GPR39: variants seen among roughly 807,000 people sequenced by gnomAD.
The protein encoded by GPR39 is G protein-coupled receptor 39.
A neutral mutation model predicts 18.4 loss-of-function variants in GPR39; 23 were observed. The ratio of observed to expected loss-of-function variants is 1.25; its 90% CI spans 0.90 to 1.77. GPR39 has a LOEUF of 1.77. GPR39 is among the 40% of genes most tolerant of loss of function. GPR39 has a pLI of 0.00. For synonymous variants in GPR39, 280 were observed against 257.9 expected (o/e 1.09, Z -0.82); for missense variants, 647 against 602.4 (o/e 1.07, Z -0.78).
intron 1 of GPR39, among the ~76,000 whole-genome samples, chr2:132,452,875 A>G (rs1164461941): frequency 1.3e-5 from 2 of 151,372 alleles, no homozygotes; most frequent in Non-Finnish European, 2.9e-5. Flanking sequence ...ATCCAGTTCT[A>G]TTCATTGATG....
At position 132,567,510 on chromosome 2, in the gene GPR39, T is replaced by A. The variant is rs78407129; in HGVS notation, c.857-77591T>A. Among the ~76,000 whole-genome samples, 1,469 of 152,300 alleles carry A rather than the reference T, an allele frequency of 9.6e-3. 24 individuals are homozygous for A. Among genetic ancestry groups the A allele is most frequent in the African/African-American group, 0.034 (1,398 of 41,568 alleles). On this transcript the variant is annotated intron_variant, in intron 1 of 1. Coordinates refer to ENST00000329321, the MANE Select transcript of GPR39 (RefSeq NM_001508.3). ...CTCTCTCTGTGCGATGCCCTGCACC[T>A]CCTCAGCACTCTGCAGGGTCCCCAC...
At chr2:132,591,698 A>C (rs1401632291) in intron 1 of GPR39, among the ~76,000 whole-genome samples, 1 of 152,242 alleles carries the variant, frequency 6.6e-6, no homozygotes, top group African/African-American at 2.4e-5. Context: ...AAAACGAGAA[A>C]CACATCTATT....
At position 132,516,135 on chromosome 2, in the gene GPR39, C is replaced by T. The variant is rs555838461; in HGVS notation, c.856+98237C>T. Among the ~76,000 whole-genome samples the T allele has an allele frequency of 9.2e-5, 14 of 152,256 alleles. No homozygotes were observed. The South Asian group carries it at 2.9e-3, about 32-fold the overall frequency. On this transcript the variant is annotated intron_variant, in intron 1 of 1. Coordinates refer to ENST00000329321, the MANE Select transcript of GPR39 (RefSeq NM_001508.3). ...CCGTGAAGGCTGATGTCTGTGCCCACCTCTTGCTCGCCAGGCTTTTGAGGG... is the reference window on the plus strand; with the variant it reads ...CCGTGAAGGCTGATGTCTGTGCCCATCTCTTGCTCGCCAGGCTTTTGAGGG...
intron 1 of GPR39, among the ~76,000 whole-genome samples, chr2:132,613,706 G>A (rs1027696456): frequency 2.6e-5 from 4 of 152,168 alleles, no homozygotes; most frequent in African/African-American, 9.7e-5. Context: ...TCCTTGTCCT[G>A]ATACTTGTCC....
chr2:132,422,551 G>T (rs907899685), intron 1 of GPR39, among the ~76,000 whole-genome samples: 1 of 151,880 alleles, frequency 6.6e-6, no homozygotes, highest in South Asian at 2.1e-4. Context: ...CTTAGCAAAG[G>T]CTTTTTATTT....
chr2:132,640,594 G>A (rs1573713466), intron 1 of GPR39, among the ~76,000 whole-genome samples: 1 of 152,106 alleles, frequency 6.6e-6, no homozygotes, highest in East Asian at 1.9e-4. Flanking sequence ...TTTAACTGTG[G>A]GCTGCACATT....
At position 132,417,914 on chromosome 2, in the gene GPR39, G is replaced by A; in HGVS notation, c.856+16G>A. On this transcript the variant is annotated intron_variant, in intron 1 of 1. Transcript: ENST00000329321. ...ATCTTCCTGAGTGAGTCCTAAGTCG[G>A]GGGCAACACGTGAGCAGCTTCCCAA... 1 of 1,557,922 alleles carries A rather than the reference G, an allele frequency of 6.4e-7. No individual in the cohort carries two copies. Among genetic ancestry groups the A allele is most frequent in the Non-Finnish European group, 8.7e-7 (1 of 1,154,278 alleles).
At chr2:132,570,081 C>G (rs569665970) in intron 1 of GPR39, among the ~76,000 whole-genome samples, 1 of 152,298 alleles carries the variant, frequency 6.6e-6, no homozygotes, top group Admixed American at 6.5e-5. Flanking sequence ...TCATGGTCTC[C>G]AGTTGGCCCT....
chr2:132,420,705 T>A (rs1679993365), intron 1 of GPR39, among the ~76,000 whole-genome samples: 1 of 152,218 alleles, frequency 6.6e-6, no homozygotes, highest in South Asian at 2.1e-4. Context: ...AATGCTAACT[T>A]CTGCATGACA....
At chr2:132,552,619 G>A (rs576883337) in intron 1 of GPR39, among the ~76,000 whole-genome samples, 2 of 152,020 alleles carry the variant, frequency 1.3e-5, no homozygotes, top group South Asian at 4.2e-4. Context: ...AAATATACAG[G>A]AGGATGTGTG....
At chr2:132,592,132 G>A (rs1171968598) in intron 1 of GPR39, among the ~76,000 whole-genome samples, 2 of 152,168 alleles carry the variant, frequency 1.3e-5, no homozygotes, top group Non-Finnish European at 2.9e-5. Flanking sequence ...CTGTCATCAT[G>A]GAGTTTATTG....
intron 1 of GPR39, among the ~76,000 whole-genome samples, chr2:132,569,172 G>A (rs73957928): frequency 0.084 from 12,699 of 152,072 alleles, 1,906 homozygotes; most frequent in African/African-American, 0.29. Context: ...CTCTCCTTAT[G>A]CTGCAATGAG....
intron 1 of GPR39, among the ~76,000 whole-genome samples, chr2:132,459,112 A>G (rs1032653825): frequency 6.6e-6 from 1 of 152,198 alleles, no homozygotes; most frequent in African/African-American, 2.4e-5. Context: ...CAACCAAAGA[A>G]TATCCTCTCT....
chr2:132,420,590 T>G (rs147488725), intron 1 of GPR39, among the ~76,000 whole-genome samples: 1 of 152,338 alleles, frequency 6.6e-6, no homozygotes, highest in Non-Finnish European at 1.5e-5. Context: ...TTTCAAACAT[T>G]TTAAATTTAA....
chr2:132,488,306 C>T (rs973811566), intron 1 of GPR39, among the ~76,000 whole-genome samples: 3 of 151,878 alleles, frequency 2.0e-5, no homozygotes, highest in African/African-American at 4.8e-5. Flanking sequence ...TGAGAAAAAC[C>T]GAGCTTTTCA....
chr2:132,566,041 T>G (rs1322747577), intron 1 of GPR39, among the ~76,000 whole-genome samples: 1 of 109,496 alleles, frequency 9.1e-6, no homozygotes, highest in African/African-American at 3.6e-5. Context: ...TTCCTATTTC[T>G]CCACATCCTC....
chr2:132,458,659 T>A (rs544922574), intron 1 of GPR39, among the ~76,000 whole-genome samples: 4 of 152,196 alleles, frequency 2.6e-5, no homozygotes, highest in Non-Finnish European at 5.9e-5. Flanking sequence ...GAGCCTGTAG[T>A]TTTTCCTTCT....
intron 1 of GPR39, among the ~76,000 whole-genome samples, chr2:132,610,799 G>A (rs112374422): frequency 1.4e-3 from 154 of 108,088 alleles, no homozygotes; most frequent in African/African-American, 3.2e-3. Context: ...AAAAAAAAAA[G>A]AAGAAGAAAT....
chr2:132,490,721 G>A (rs1681441443), intron 1 of GPR39, among the ~76,000 whole-genome samples: 1 of 151,760 alleles, frequency 6.6e-6, no homozygotes, highest in African/African-American at 2.4e-5. Context: ...GGCCTGAACA[G>A]GGTGAGGGAG....
Sources: gnomAD v4.1 joint callset for allele counts (sites outside exome capture counted in the v4.1 genomes callset) on GRCh38, gnomAD v4.1.1 for gene constraint, MANE v1.5 for transcripts, NCBI Gene and HGNC (gene_info 2026-07-23, HGNC 2026-07-21) for gene names.